KDM2A: variants seen among roughly 807,000 people sequenced by gnomAD.
KDM2A encodes lysine demethylase 2A.
In KDM2A, 3 loss-of-function variants were observed where a neutral mutation model predicts 137.3. That is an observed-to-expected ratio of 0.02 (90% CI 0.01 to 0.06). The LOEUF (loss-of-function observed/expected upper bound fraction) is 0.06. KDM2A is among the 10% of genes least tolerant of loss of function. The pLI, the probability that KDM2A is intolerant of heterozygous loss-of-function variation, is 1.00. For synonymous variants in KDM2A, 512 were observed against 541.5 expected (o/e 0.95, Z 0.76); for missense variants, 738 against 1,510.6 (o/e 0.49, Z 8.48).
At chr11:67,253,377 CTT>C in intron 18 of KDM2A, 74 bp from the exon 19 acceptor site, 2 of 1,350,794 alleles carry the variant, frequency 1.5e-6, no homozygotes, top group South Asian at 1.3e-5. Flanking sequence ...AGTTTGTTCA[CTT>C]TGCTCAGATC....
At chr11:67,185,554 C>T (rs938942909) in intron 5 of KDM2A, among the ~76,000 whole-genome samples, 5 of 151,308 alleles carry the variant, frequency 3.3e-5, no homozygotes, top group Admixed American at 6.6e-5. Context: ...TTATTGAACC[C>T]GGGAGGTGGA....
intron 2 of KDM2A, among the ~76,000 whole-genome samples, chr11:67,168,784 G>A (rs928692483): frequency 6.6e-6 from 1 of 152,110 alleles, no homozygotes; most frequent in Non-Finnish European, 1.5e-5. Context: ...GCGTTTTAAA[G>A]TTCAGTTGAT....
chr11:67,250,676 C>G lies in KDM2A; in HGVS notation c.2646C>G (p.Gly882=). The G allele has an allele frequency of 6.2e-7, 1 of 1,602,928 alleles. No individual in the cohort carries two copies. Among genetic ancestry groups the G allele is most frequent in the Non-Finnish European group, 8.5e-7 (1 of 1,173,334 alleles). The change falls in exon 17 of 21, where the codon GGC becomes GGG. Residue 882 remains glycine (G), a synonymous_variant. Coordinates refer to ENST00000529006, the MANE Select transcript of KDM2A (RefSeq NM_012308.3). The surrounding 1 kb of genome is among the most constrained non-coding windows in gnomAD (Gnocchi z 7.1). The part of the protein sequence containing the change: ...EGGAARLNGR[G]SWAQDGDESW... ...GTGCAGCCAGGCTGAATGGCCGGGG[C>G]AGTTGGGCTCAGGATGGAGACGAAA...
At position 67,232,399 on chromosome 11, in the gene KDM2A, A is replaced by G. The variant is rs1858743251; in HGVS notation, c.1479+439A>G. Among the ~76,000 whole-genome samples, 4 of 152,370 alleles carry G rather than the reference A, an allele frequency of 2.6e-5. No individual in the cohort carries two copies. The Middle Eastern group carries it at 0.014, about 518-fold the overall frequency. ...GAGTAGCTTTAGCCTCTTTAGATTC[A>G]AATTTATCTAGCATCAAGACTTAAA... On this transcript the variant is annotated intron_variant, in intron 12 of 20. Coordinates refer to ENST00000529006, the MANE Select transcript of KDM2A (RefSeq NM_012308.3).
intron 10 of KDM2A, 119 bp downstream of exon 10, chr11:67,219,522 T>C: frequency 2.0e-6 from 1 of 493,538 alleles, no homozygotes; most frequent in Non-Finnish European, 3.4e-6. Flanking sequence ...TAAAATGCAG[T>C]GTTGACATTT....
At chr11:67,198,100 G>T (rs1590773671) in intron 5 of KDM2A, among the ~76,000 whole-genome samples, 1 of 152,228 alleles carries the variant, frequency 6.6e-6, no homozygotes, top group African/African-American at 2.4e-5. Context: ...AGGAAGAGGT[G>T]GGATTGCTTT....
chr11:67,126,246 C>CA (rs112684494), intron 2 of KDM2A, among the ~76,000 whole-genome samples: 1,148 of 76,730 alleles, frequency 0.015, 3 homozygotes, highest in Middle Eastern at 0.046. Context: ...AACTCCGTCT[C>CA]AAAAAAAAAA....
At chr11:67,179,871 G>C (rs1426206317) in intron 2 of KDM2A, among the ~76,000 whole-genome samples, 1 of 152,162 alleles carries the variant, frequency 6.6e-6, no homozygotes, top group Admixed American at 6.5e-5. Flanking sequence ...AAAATTCATA[G>C]AGGACCCAGT....
intron 8 of KDM2A, 78 bp from the exon 9 acceptor site, chr11:67,217,653 T>C (rs1156317871): frequency 1.4e-6 from 2 of 1,429,458 alleles, no homozygotes; most frequent in Non-Finnish European, 1.9e-6. Context: ...GTCTTAATTT[T>C]GTACCTGTTT....
At chr11:67,252,949 G>C in intron 18 of KDM2A, 92 bp downstream of exon 18, 1 of 1,367,252 alleles carries the variant, frequency 7.3e-7, no homozygotes, top group Non-Finnish European at 1.0e-6. Context: ...TAGCATCACT[G>C]GAGGGCAGTG....
intron 2 of KDM2A, among the ~76,000 whole-genome samples, chr11:67,131,239 G>T (rs945232563): frequency 6.6e-6 from 1 of 151,648 alleles, no homozygotes; most frequent in East Asian, 2.0e-4. Flanking sequence ...TGGGAGAATC[G>T]CCTGAACCTG....
chr11:67,184,352 G>A (rs754237245), intron 5 of KDM2A, among the ~76,000 whole-genome samples: 2 of 152,222 alleles, frequency 1.3e-5, no homozygotes, highest in African/African-American at 4.8e-5. Context: ...AAATTAGGCC[G>A]GGTGCGGTGG....
chr11:67,126,435 C>T (rs966921431), intron 2 of KDM2A, among the ~76,000 whole-genome samples: 21 of 151,564 alleles, frequency 1.4e-4, no homozygotes, highest in African/African-American at 2.4e-4. Context: ...TGGCCGGGTG[C>T]GGTTGCTTAT....
intron 12 of KDM2A, among the ~76,000 whole-genome samples, chr11:67,234,257 C>CT (rs1858803666): frequency 1.3e-5 from 2 of 152,174 alleles, no homozygotes; most frequent in Non-Finnish European, 2.9e-5. Flanking sequence ...CACTGCACAG[C>CT]TGGGGACTTT....
chr11:67,178,347 G>A (rs1051578701), intron 2 of KDM2A, among the ~76,000 whole-genome samples: 1 of 152,190 alleles, frequency 6.6e-6, no homozygotes, highest in African/African-American at 2.4e-5. Flanking sequence ...TGAGGTTGCA[G>A]TGAGCCTTAG....
In KDM2A at chr11:67,255,465, C is replaced by A. The variant is rs1041219530; in HGVS notation, c.*410C>A. 15 of 459,618 alleles carry A rather than the reference C, an allele frequency of 3.3e-5. No individual in the cohort carries two copies. The highest frequency in any genetic ancestry group is 6.1e-5 in the Non-Finnish European group (14 of 229,098). The allele number at this position is 459,618 out of a possible 1,614,324, so 28.5% of individuals were successfully genotyped here. On this transcript the variant is annotated 3_prime_UTR_variant, in exon 21 of 21. Transcript: ENST00000529006. ...CAAACTCCCAGGGAAGAAAACGGCC[C>A]TGTCTCCATGGCCAGGTTCTTGTGG...
At chr11:67,200,229 C>G (rs1455685091) in intron 5 of KDM2A, among the ~76,000 whole-genome samples, 3 of 148,094 alleles carry the variant, frequency 2.0e-5, no homozygotes, top group African/African-American at 7.4e-5. Context: ...TTTTTTTTTT[C>G]TTTTTAGACG....
intron 12 of KDM2A, among the ~76,000 whole-genome samples, chr11:67,238,831 CTG>C (rs1858943612): frequency 6.6e-6 from 1 of 152,328 alleles, no homozygotes; most frequent in Non-Finnish European, 1.5e-5. Context: ...AAGACCCAAA[CTG>C]TTTCTGCTAA....
rs1859560920 is a variant in KDM2A, at chr11:67,255,171, C to T, written c.*116C>T. 4.4e-6 allele frequency: 4 copies of T among 899,792 alleles called. No homozygotes were observed. The highest frequency in any genetic ancestry group is 1.7e-5 in the African/African-American group (1 of 59,890). 55.7% of individuals were successfully genotyped at this position (899,792 alleles called of 1,614,324 possible). On this transcript the variant is annotated 3_prime_UTR_variant, in exon 21 of 21. Coordinates refer to ENST00000529006, the MANE Select transcript of KDM2A (RefSeq NM_012308.3). ...GCCAGCGTCACACTCCCTCTCTGCT[C>T]TCCTGTCCCTTGAGCCCTTCCTCTA...
Sources: allele counts gnomAD v4.1 joint callset (sites outside exome capture counted in the v4.1 genomes callset), GRCh38; gene constraint gnomAD v4.1.1; non-coding constraint Gnocchi (gnomAD v3.1); transcripts MANE v1.5; gene names NCBI Gene and HGNC (gene_info 2026-07-23, HGNC 2026-07-21).